The following ABR variants were observed in gnomAD, a reference collection of about 807,000 sequenced individuals.
ABR encodes ABR activator of RhoGEF and GTPase.
Under a neutral mutation model 107.2 loss-of-function variants are expected in ABR, and 35 were observed. The observed-to-expected ratio is 0.33, with a 90% CI of 0.25 to 0.43. The LOEUF (loss-of-function observed/expected upper bound fraction) is 0.43, where lower values mean the gene tolerates loss of function less well. ABR is among the 20% of genes least tolerant of loss of function. ABR has a pLI of 1.00. For missense variants in ABR, 815 were observed against 1,115.2 expected (o/e 0.73, Z 3.83); for synonymous variants, 498 against 462.0 (o/e 1.08, Z -1.00).
intron 1 of ABR, among the ~76,000 whole-genome samples, chr17:1,169,653 G>C (rs982045024): frequency 6.6e-6 from 1 of 152,182 alleles, no homozygotes; most frequent in African/African-American, 2.4e-5. Flanking sequence ...TGGAGGGTCT[G>C]CCCCGTCATT....
chr17:1,055,095 G>A (rs1472305042), intron 14 of ABR, among the ~76,000 whole-genome samples: 1 of 152,196 alleles, frequency 6.6e-6, no homozygotes, highest in Non-Finnish European at 1.5e-5. Flanking sequence ...ACCAGGCCGG[G>A]CGCAGCAGCT....
At position 1,100,369 on chromosome 17, in the gene ABR, G is replaced by T. The variant is rs184239919; in HGVS notation, c.345+268C>A. Among the ~76,000 whole-genome samples, 17 of 152,336 alleles carry T rather than the reference G, an allele frequency of 1.1e-4. No individual in the cohort carries two copies. In the East Asian group the frequency reaches 2.9e-3, roughly 26 times the overall value. On this transcript the variant is annotated intron_variant, in intron 3 of 22. Coordinates refer to ENST00000302538, the MANE Select transcript of ABR (RefSeq NM_021962.5). ...TGGGTTCACGATGCCCTATGCCAGG[G>T]TCGTGGGTGACAGGTGTGTTTGCCA...
At chr17:1,213,546 T>C (rs1404042732) in intron 1 of ABR, among the ~76,000 whole-genome samples, 2 of 151,880 alleles carry the variant, frequency 1.3e-5, no homozygotes, top group African/African-American at 2.4e-5. Flanking sequence ...CATGCCACTA[T>C]GCCCGGCTAA....
At chr17:1,207,974 T>C (rs915399569) in intron 1 of ABR, among the ~76,000 whole-genome samples, 3 of 152,024 alleles carry the variant, frequency 2.0e-5, no homozygotes, top group Non-Finnish European at 4.4e-5. Flanking sequence ...TTTCACCATG[T>C]TGGCCAGGAT....
intron 17 of ABR, 62 bp from the exon 18 acceptor site, chr17:1,012,859 A>C (rs988679602): frequency 7.2e-7 from 1 of 1,393,786 alleles, no homozygotes; most frequent in Non-Finnish European, 1.0e-6. Context: ...GAATGCCCCC[A>C]AAACACAGGG....
chr17:1,058,302 G>A (rs899179093), intron 11 of ABR, among the ~76,000 whole-genome samples: 4 of 152,088 alleles, frequency 2.6e-5, no homozygotes, highest in Admixed American at 2.0e-4. Context: ...ACCACGCCCG[G>A]CTAATTTTTG....
chr17:1,149,802 A>T (rs2040720736), intron 1 of ABR, among the ~76,000 whole-genome samples: 1 of 152,218 alleles, frequency 6.6e-6, no homozygotes, highest in African/African-American at 2.4e-5. Context: ...GGCACCTGTC[A>T]GCTCCAAATG....
At chr17:1,047,157 G>T (rs2376590) in intron 16 of ABR, among the ~76,000 whole-genome samples, 9 of 152,164 alleles carry the variant, frequency 5.9e-5, no homozygotes, top group African/African-American at 2.2e-4. Flanking sequence ...TCCTCCTCCT[G>T]CCTTTCCTAC....
chr17:1,087,997 G>A (rs575572726), intron 4 of ABR, among the ~76,000 whole-genome samples: 168 of 152,318 alleles, frequency 1.1e-3, no homozygotes, highest in Admixed American at 3.8e-3. Flanking sequence ...CAGCAGAGAC[G>A]CTAATTCCCT....
chr17:1,173,975 C>T (rs1189902610), intron 1 of ABR, among the ~76,000 whole-genome samples: 6 of 152,350 alleles, frequency 3.9e-5, no homozygotes, highest in East Asian at 1.9e-4. Context: ...ACAACACCCA[C>T]GAGAGCCATC....
At chr17:1,079,473 G>C in intron 5 of ABR, 83 bp from the exon 6 acceptor site, 1 of 1,296,518 alleles carries the variant, frequency 7.7e-7, no homozygotes, top group Non-Finnish European at 1.1e-6. Context: ...AAGAAGGGGA[G>C]TTCTGAAACT....
At chr17:1,015,618 G>A (rs935556000) in intron 16 of ABR, among the ~76,000 whole-genome samples, 17 of 151,502 alleles carry the variant, frequency 1.1e-4, no homozygotes, top group African/African-American at 3.6e-4. Context: ...AACCACACCC[G>A]GCTAATTTTT....
chr17:1,081,539 A>G (rs2036237174), intron 5 of ABR, among the ~76,000 whole-genome samples: 1 of 152,086 alleles, frequency 6.6e-6, no homozygotes, highest in African/African-American at 2.4e-5. Context: ...CTCATTGTGG[A>G]GAGGGGCCTG....
At chr17:1,048,837 C>G (rs547337004) in intron 16 of ABR, among the ~76,000 whole-genome samples, 91 of 151,168 alleles carry the variant, frequency 6.0e-4, no homozygotes, top group Middle Eastern at 6.8e-3. Flanking sequence ...ATCACGTCTG[C>G]GGCCACTGTC....
At chr17:1,110,712 T>G (rs2038624730) in intron 2 of ABR, among the ~76,000 whole-genome samples, 1 of 152,134 alleles carries the variant, frequency 6.6e-6, no homozygotes, top group Non-Finnish European at 1.5e-5. Flanking sequence ...AGAGGCTCCA[T>G]CCTGTTGCAG....
intron 5 of ABR, chr17:1,083,262 ATTTTTTTTT>A (rs71148428): frequency 0.061 from 6,143 of 101,316 alleles, 187 homozygotes; most frequent in East Asian, 0.24. Flanking sequence ...ACTGCCTTGG[ATTTTTTTTT>A]TTTTTTTTTT....
rs34887711 is a variant in ABR at position 1,228,519 on chromosome 17, G to C, written c.838+274C>G. On this transcript the variant is annotated intron_variant, in intron 1 of 22. Coordinates refer to the ABR transcript ENST00000574139. Reference sequence around the variant, plus strand: ...AGGGGCTGGGGGATGTCAGGGCCACGGAGCGCAAAGCGCAAAGGCCCGGGC... The same window carrying C: ...AGGGGCTGGGGGATGTCAGGGCCACCGAGCGCAAAGCGCAAAGGCCCGGGC... Among the ~76,000 whole-genome samples, 8 of 152,092 alleles carry C rather than the reference G, an allele frequency of 5.3e-5. No individual in the cohort carries two copies. In the East Asian group the frequency reaches 5.8e-4, roughly 11 times the overall value.
chr17:1,058,860 T>C lies in ABR; in HGVS notation c.1190A>G (p.Asn397Ser), dbSNP rs753554883. Residue 397 changes from asparagine (N) to serine (S), a missense_variant, in exon 11 of 23, where the codon AAC (asparagine) becomes AGC (serine). Asn to Ser is a conservative substitution (Grantham distance 46). This residue lies in a region of ABR where 385 missense variants were observed against 596.9 expected (regional missense o/e 0.64). Transcript: ENST00000302538. ...LKSEIQKEKA[N>S]KGQSRAIERL... is the part of the protein sequence containing the mutation. The stretch of plus-strand genomic sequence containing the variant: ...CTCGATGGCCCGGCTCTGGCCTTTG[T>C]TGGCTTTCTGCAGGAGATGGGGACA... 6.2e-7 allele frequency: 1 copy of C among 1,614,144 alleles called. No individual in the cohort carries two copies. The highest frequency in any genetic ancestry group is 1.1e-5 in the South Asian group (1 of 91,074).
intron 6 of ABR, among the ~76,000 whole-genome samples, chr17:1,076,010 C>T (rs2035677104): frequency 6.6e-6 from 1 of 152,196 alleles, no homozygotes; most frequent in Admixed American, 6.5e-5. Context: ...CCATTGCACT[C>T]CAGCCTGGGC....
Sources: gnomAD v4.1 joint callset for allele counts (sites outside exome capture counted in the v4.1 genomes callset) on GRCh38, gnomAD v4.1.1 for gene constraint, gnomAD v4.1.1 regional missense constraint, MANE v1.5 for transcripts, NCBI Gene and HGNC (gene_info 2026-07-23, HGNC 2026-07-21) for gene names.